The following CCDC171 variants were observed in gnomAD, a reference collection of about 807,000 sequenced individuals.
CCDC171 encodes coiled-coil domain-containing protein 171.
A neutral mutation model predicts 168.2 loss-of-function variants in CCDC171; 177 were observed. The observed-to-expected ratio is 1.05, with a 90% confidence interval of 0.93 to 1.19. CCDC171 has a LOEUF of 1.19. Among genes scored for constraint, CCDC171 ranks in the 50% most tolerant of loss-of-function variants. The pLI, the probability that CCDC171 is intolerant of heterozygous loss-of-function variation, is 0.00. For missense variants in CCDC171, 1,991 were observed against 1,539.0 expected (o/e 1.29, Z -4.91); for synonymous variants, 687 against 540.8 (o/e 1.27, Z -3.75).
chr9:15,846,542 G>A (rs774634861), intron 21 of CCDC171, among the ~76,000 whole-genome samples, 160 bp from the exon 22 acceptor site: 2 of 152,006 alleles, frequency 1.3e-5, no homozygotes, highest in African/African-American at 2.4e-5. Context: ...TAATTAGTAC[G>A]TATATAAAAT....
chr9:15,769,175 C>A (rs1401482092), intron 18 of CCDC171, among the ~76,000 whole-genome samples: 1 of 152,146 alleles, frequency 6.6e-6, no homozygotes, highest in Non-Finnish European at 1.5e-5. Flanking sequence ...TCTTTAAATG[C>A]AATTTCTTAG....
chr9:15,642,364 T>TATATATATAC (rs1209195371), intron 7 of CCDC171, among the ~76,000 whole-genome samples: 5 of 48,384 alleles, frequency 1.0e-4, no homozygotes, highest in African/African-American at 1.8e-4. Flanking sequence ...TATATATATA[T>TATATATATAC]ATATATATAT....
At chr9:15,828,500 G>A (rs1449201309) in intron 21 of CCDC171, among the ~76,000 whole-genome samples, 6 of 152,132 alleles carry the variant, frequency 3.9e-5, no homozygotes, top group Admixed American at 6.5e-5. Flanking sequence ...TATGTAGGAC[G>A]TCCTTAGAAG....
In CCDC171 at chr9:15,857,030, G is replaced by A. The variant is rs1341772310; in HGVS notation, c.3468+8083G>A. On this transcript the variant is annotated intron_variant, in intron 23 of 25. Transcript: ENST00000380701. ...CTTCTTTGGATAAATGTATATTCAA[G>A]TTCTTAGCCCATTTTAAAATGAGGT... 2.0e-5 allele frequency among the ~76,000 whole-genome samples: 3 copies of A among 151,884 alleles called. No individual in the cohort carries two copies. The South Asian group carries it at 6.2e-4, about 31-fold the overall frequency.
At chr9:15,720,264 T>G (rs1281655266) in intron 11 of CCDC171, among the ~76,000 whole-genome samples, 1 of 152,188 alleles carries the variant, frequency 6.6e-6, no homozygotes, top group East Asian at 1.9e-4. Flanking sequence ...CCTTTCTTCC[T>G]TCTTTATTAC....
At chr9:16,093,773 A>G in the CCDC171 span, among the ~76,000 whole-genome samples, 11 of 152,202 alleles carry the variant, frequency 7.2e-5, no homozygotes, top group African/African-American at 2.7e-4. Context: ...TAACCAACAT[A>G]AGTGAGTACC....
intron 1 of CCDC171, among the ~76,000 whole-genome samples, chr9:15,562,606 T>C (rs1020660793): frequency 6.6e-6 from 1 of 152,174 alleles, no homozygotes; most frequent in Non-Finnish European, 1.5e-5. Context: ...CTCTGCCCAA[T>C]ATACGAAAAC....
chr9:15,989,355 C>T (rs529556104), intron 3 of CCDC171, among the ~76,000 whole-genome samples: 1 of 152,326 alleles, frequency 6.6e-6, no homozygotes, highest in Non-Finnish European at 1.5e-5. Flanking sequence ...AACAGACCTG[C>T]AGCTGAGGGT....
intron 3 of CCDC171, among the ~76,000 whole-genome samples, chr9:16,014,310 A>G (rs1435859636): frequency 1.3e-5 from 2 of 152,210 alleles, no homozygotes; most frequent in South Asian, 4.1e-4. Flanking sequence ...ATTCAGTCAC[A>G]TCTTCAGGTT....
chr9:15,804,556 C>A (rs911563311), intron 21 of CCDC171, among the ~76,000 whole-genome samples: 5 of 151,712 alleles, frequency 3.3e-5, no homozygotes, highest in Non-Finnish European at 1.5e-5. Context: ...GTACAGTGAA[C>A]CCCAACCTTG....
intron 10 of CCDC171, among the ~76,000 whole-genome samples, chr9:15,681,632 T>G (rs1031481951): frequency 2.0e-5 from 3 of 152,144 alleles, no homozygotes; most frequent in African/African-American, 7.2e-5. Flanking sequence ...TATTCTTTTC[T>G]TGTACATATT....
rs559499811 is a variant in CCDC171, at chr9:15,773,281, C to T, written c.2672-4319C>T. Among the ~76,000 whole-genome samples, 3 of 152,156 alleles carry T rather than the reference C, an allele frequency of 2.0e-5. No individual in the cohort carries two copies. In the South Asian group the frequency reaches 6.2e-4, roughly 32 times the overall value. On this transcript the variant is annotated intron_variant, in intron 18 of 25. Transcript: ENST00000380701. ...TATTCACGCATATATTTTGTTAGGG[C>T]TAGATAAAGATCAAAATGCACAATG...
chr9:15,905,443 G>A (rs9721867), intron 24 of CCDC171, among the ~76,000 whole-genome samples: 129,890 of 152,022 alleles, frequency 0.85, 55,568 homozygotes, highest in East Asian at 0.96. Flanking sequence ...AATGAAATGA[G>A]GGCAGAAATA....
intron 7 of CCDC171, among the ~76,000 whole-genome samples, chr9:15,628,630 C>A (rs1366606225): frequency 1.3e-5 from 2 of 152,218 alleles, no homozygotes; most frequent in Non-Finnish European, 2.9e-5. Flanking sequence ...ACAGCAGTAA[C>A]CTCTGCAGAC....
At chr9:15,696,260 G>C (rs2051205470) in intron 11 of CCDC171, among the ~76,000 whole-genome samples, 1 of 152,158 alleles carries the variant, frequency 6.6e-6, no homozygotes, top group Admixed American at 6.5e-5. Context: ...AACTTGGAAG[G>C]ACCTCATCAA....
chr9:15,619,041 A>G (rs1363897137), intron 6 of CCDC171, among the ~76,000 whole-genome samples: 1 of 152,056 alleles, frequency 6.6e-6, no homozygotes, highest in Non-Finnish European at 1.5e-5. Flanking sequence ...ATGCCTGCAT[A>G]AGGTGATGTA....
intron 10 of CCDC171, among the ~76,000 whole-genome samples, chr9:15,682,138 C>T (rs1482799659): frequency 1.3e-5 from 2 of 152,094 alleles, no homozygotes; most frequent in South Asian, 2.1e-4. Context: ...TAGGTTTACT[C>T]GTGAGATCAA....
intron 3 of CCDC171, among the ~76,000 whole-genome samples, chr9:16,012,748 T>C (rs1441591900): frequency 1.3e-5 from 2 of 152,182 alleles, no homozygotes; most frequent in African/African-American, 2.4e-5. Context: ...TTTGCTCATC[T>C]TGGTCATTCT....
chr9:15,714,970 A>T (rs2052969109), intron 11 of CCDC171, among the ~76,000 whole-genome samples: 1 of 152,150 alleles, frequency 6.6e-6, no homozygotes, highest in Admixed American at 6.5e-5. Flanking sequence ...ATTATGTTAA[A>T]CATGTCCACT....
Sources: allele counts gnomAD v4.1 joint callset (sites outside exome capture counted in the v4.1 genomes callset), GRCh38; gene constraint gnomAD v4.1.1; transcripts MANE v1.5; gene names NCBI Gene and HGNC (gene_info 2026-07-23, HGNC 2026-07-21).